The following IMMP2L variants were observed in gnomAD, a reference collection of about 807,000 sequenced individuals.
IMMP2L encodes the protein mitochondrial inner membrane protease subunit 2.
In IMMP2L, 18 loss-of-function variants were observed where a neutral mutation model predicts 19.3. That is an observed-to-expected ratio of 0.93 (90% CI 0.64 to 1.38). The LOEUF (loss-of-function observed/expected upper bound fraction) is 1.38. Among genes scored for constraint, IMMP2L ranks in the 40% most tolerant of loss-of-function variants. IMMP2L has a pLI of 0.00. For synonymous variants in IMMP2L, 76 were observed against 73.0 expected (o/e 1.04, Z -0.21); for missense variants, 233 against 218.2 (o/e 1.07, Z -0.43).
chr7:111,122,911 T>A, intron 3 of IMMP2L: 1 of 1,614,078 alleles, frequency 6.2e-7, no homozygotes, highest in East Asian at 2.2e-5. Flanking sequence ...CAGATCCATT[T>A]ATATGGAAGC....
At chr7:111,209,167 G>GGATCACGATCACGAGGTCAGCA (rs1341080692) in intron 3 of IMMP2L, among the ~76,000 whole-genome samples, 2 of 152,072 alleles carry the variant, frequency 1.3e-5, no homozygotes, top group Non-Finnish European at 2.9e-5. Context: ...TGAGGCGGGT[G>GGATCACGATCACGAGGTCAGCA]GATCACGATC....
At position 110,860,001 on chromosome 7, in the gene IMMP2L, A is replaced by C. The variant is rs114264550; in HGVS notation, c.408+26592T>G. ...ATTTTTAACCTAAAACATTAATATG[A>C]GGAATTCATGAACCAACCTGTCACA... On this transcript the variant is annotated intron_variant, in intron 5 of 5. Coordinates refer to ENST00000405709, the MANE Select transcript of IMMP2L (RefSeq NM_032549.4). Among the ~76,000 whole-genome samples the C allele has an allele frequency of 5.0e-3, 760 of 152,168 alleles. 10 individuals are homozygous for C. Among genetic ancestry groups the C allele is most frequent in the African/African-American group, 0.018 (735 of 41,548 alleles).
At chr7:110,799,409 T>G (rs991821052) in intron 5 of IMMP2L, among the ~76,000 whole-genome samples, 4 of 151,998 alleles carry the variant, frequency 2.6e-5, no homozygotes, top group African/African-American at 9.7e-5. Flanking sequence ...CAGGACATAT[T>G]TGTAGACTAA....
intron 3 of IMMP2L, among the ~76,000 whole-genome samples, chr7:111,478,971 G>C (rs1271118494): frequency 6.6e-6 from 1 of 152,186 alleles, no homozygotes; most frequent in Non-Finnish European, 1.5e-5. Flanking sequence ...TCAAGATTGG[G>C]TTTATCAAAG....
intron 3 of IMMP2L, among the ~76,000 whole-genome samples, chr7:111,066,856 G>T (rs35791388): frequency 4.6e-5 from 7 of 152,108 alleles, no homozygotes; most frequent in Admixed American, 3.3e-4. Flanking sequence ...TTAATGTAAG[G>T]GTTTTGGGTT....
At chr7:111,488,255 A>C (rs1416071131) in intron 2 of IMMP2L, among the ~76,000 whole-genome samples, 1 of 152,154 alleles carries the variant, frequency 6.6e-6, no homozygotes, top group African/African-American at 2.4e-5. Context: ...GTTCTTCAGC[A>C]GTGATTTCTG....
chr7:111,296,975 T>C (rs1304386647), intron 3 of IMMP2L, among the ~76,000 whole-genome samples: 1 of 152,032 alleles, frequency 6.6e-6, no homozygotes, highest in Non-Finnish European at 1.5e-5. Flanking sequence ...TATAATATTC[T>C]CTAAATGGCA....
intron 3 of IMMP2L, among the ~76,000 whole-genome samples, chr7:111,055,252 T>A (rs1204285017): frequency 6.6e-6 from 1 of 152,088 alleles, no homozygotes; most frequent in Admixed American, 6.6e-5. Context: ...TTCACCAGGC[T>A]GGTCTCAAAC....
chr7:110,890,057 TCTG>T (rs1810636984), intron 4 of IMMP2L, among the ~76,000 whole-genome samples: 1 of 152,216 alleles, frequency 6.6e-6, no homozygotes, highest in African/African-American at 2.4e-5. Flanking sequence ...GTGTTCAGCC[TCTG>T]CTATCTATTA....
intron 5 of IMMP2L, among the ~76,000 whole-genome samples, chr7:110,848,537 T>G (rs1052103193): frequency 6.6e-6 from 1 of 152,134 alleles, no homozygotes; most frequent in Non-Finnish European, 1.5e-5. Context: ...ACATAGGATC[T>G]AGCAGTCACA....
chr7:111,392,914 G>T (rs1364428052), intron 3 of IMMP2L: 2 of 446,684 alleles, frequency 4.5e-6, no homozygotes, highest in African/African-American at 4.0e-5. Context: ...GAGCTGGGGG[G>T]TCCCACCCAC....
At chr7:110,732,723 C>T (rs1309559718) in intron 5 of IMMP2L, among the ~76,000 whole-genome samples, 1 of 151,666 alleles carries the variant, frequency 6.6e-6, no homozygotes, top group Non-Finnish European at 1.5e-5. Context: ...ACATATGCTT[C>T]GTAAATGATC....
At chr7:110,670,057 G>A (rs1584455758) in intron 5 of IMMP2L, among the ~76,000 whole-genome samples, 1 of 152,246 alleles carries the variant, frequency 6.6e-6, no homozygotes, top group Non-Finnish European at 1.5e-5. Flanking sequence ...ACCTCAGAAT[G>A]TGACTGTATT....
intron 1 of IMMP2L, among the ~76,000 whole-genome samples, chr7:111,555,218 G>A (rs1185334729): frequency 6.6e-6 from 1 of 152,080 alleles, no homozygotes; most frequent in African/African-American, 2.4e-5. Context: ...AGACACTCCT[G>A]TGAAATTTTT....
chr7:111,329,127 A>C (rs138538745), intron 3 of IMMP2L, among the ~76,000 whole-genome samples: 2 of 151,990 alleles, frequency 1.3e-5, no homozygotes, highest in African/African-American at 4.8e-5. Context: ...TAATAAGCCA[A>C]GATACGAAAC....
intron 3 of IMMP2L, among the ~76,000 whole-genome samples, chr7:111,200,985 A>G (rs1194135066): frequency 6.6e-6 from 1 of 152,190 alleles, no homozygotes; most frequent in African/African-American, 2.4e-5. Flanking sequence ...TTCCTTGTGG[A>G]AAATTCTTTT....
At chr7:111,149,910 C>T (rs545015144) in intron 3 of IMMP2L, among the ~76,000 whole-genome samples, 18 of 152,090 alleles carry the variant, frequency 1.2e-4, no homozygotes, top group Non-Finnish European at 2.2e-4. Flanking sequence ...TTAAAACATC[C>T]AAAAAACAAC....
At chr7:111,194,915 A>G (rs1809308508) in intron 3 of IMMP2L, among the ~76,000 whole-genome samples, 1 of 152,162 alleles carries the variant, frequency 6.6e-6, no homozygotes, top group African/African-American at 2.4e-5. Context: ...GTATATACTT[A>G]TGCAAAAATA....
chr7:110,961,589 G>C (rs1277048684), intron 4 of IMMP2L, among the ~76,000 whole-genome samples: 1 of 151,434 alleles, frequency 6.6e-6, no homozygotes, highest in South Asian at 2.1e-4. Context: ...TCCACCAAAA[G>C]ACCCAGATGT....
Sources: gnomAD v4.1 joint callset for allele counts (sites outside exome capture counted in the v4.1 genomes callset) on GRCh38, gnomAD v4.1.1 for gene constraint, MANE v1.5 for transcripts, NCBI Gene and HGNC (gene_info 2026-07-23, HGNC 2026-07-21) for gene names.